Variants in CCDC102B observed in about 807,000 individuals in gnomAD.
The protein encoded by CCDC102B is coiled-coil domain containing 102B.
Under a neutral mutation model 57.4 loss-of-function variants are expected in CCDC102B, and 75 were observed. The observed-to-expected ratio is 1.31, with a 90% CI of 1.08 to 1.58. CCDC102B has a LOEUF of 1.58. CCDC102B is among the 40% of genes most tolerant of loss of function. The pLI is 0.00. For missense variants in CCDC102B, 636 were observed against 582.6 expected (o/e 1.09, Z -0.94); for synonymous variants, 206 against 201.9 (o/e 1.02, Z -0.17).
chr18:68,874,900 A>G, intron 5 of CCDC102B, 115 bp downstream of exon 5: 1 of 653,740 alleles, frequency 1.5e-6, no homozygotes, highest in Non-Finnish European at 2.7e-6. Flanking sequence ...ATGAAAGTGA[A>G]TGCTGCTGCT....
chr18:68,902,767 T>C (rs1421575627), intron 6 of CCDC102B, among the ~76,000 whole-genome samples: 1 of 152,206 alleles, frequency 6.6e-6, no homozygotes, highest in Non-Finnish European at 1.5e-5. Context: ...AGGATTTTGC[T>C]TCCTTAGAAA....
At chr18:68,909,351 T>A (rs140739378) in intron 6 of CCDC102B, among the ~76,000 whole-genome samples, 83 of 152,334 alleles carry the variant, frequency 5.4e-4, no homozygotes, top group African/African-American at 1.8e-3. Flanking sequence ...TTTGCCAATA[T>A]ATCCCTCCCC....
chr18:68,740,265 TAGAA>T (rs1403779791), intron 2 of CCDC102B, among the ~76,000 whole-genome samples: 7 of 152,222 alleles, frequency 4.6e-5, no homozygotes, highest in African/African-American at 1.4e-4. Flanking sequence ...TGTGATTCTC[TAGAA>T]TTTCTCCTGT....
At chr18:68,998,056 G>A (rs1352680624) in intron 6 of CCDC102B, among the ~76,000 whole-genome samples, 3 of 151,888 alleles carry the variant, frequency 2.0e-5, no homozygotes, top group Admixed American at 6.6e-5. Flanking sequence ...TTTCTGCTTT[G>A]TATTCCCACG....
At chr18:68,863,765 T>C (rs529844690) in intron 4 of CCDC102B, among the ~76,000 whole-genome samples, 44 of 152,106 alleles carry the variant, frequency 2.9e-4, no homozygotes, top group African/African-American at 1.0e-3. Flanking sequence ...TTTAAACTTA[T>C]TGGATGTGTT....
intron 5 of CCDC102B, among the ~76,000 whole-genome samples, chr18:68,878,214 A>G (rs188455205): frequency 1.2e-4 from 19 of 152,156 alleles, no homozygotes; most frequent in African/African-American, 4.6e-4. Context: ...CTCTCACCTC[A>G]GCCTCCCAAG....
chr18:68,843,616 A>C (rs1247243946), intron 3 of CCDC102B, among the ~76,000 whole-genome samples: 1 of 152,026 alleles, frequency 6.6e-6, no homozygotes, highest in East Asian at 1.9e-4. Flanking sequence ...TAGCAATATT[A>C]TTTTTTAAAC....
intron 2 of CCDC102B, among the ~76,000 whole-genome samples, chr18:68,755,248 G>A (rs566298323): frequency 6.6e-6 from 1 of 152,244 alleles, no homozygotes; most frequent in South Asian, 2.1e-4. Context: ...ACCTCTCCAA[G>A]TCTTTATTGT....
intron 6 of CCDC102B, among the ~76,000 whole-genome samples, chr18:68,988,104 T>C (rs586603): frequency 0.011 from 1,672 of 152,270 alleles, 42 homozygotes; most frequent in African/African-American, 0.038. Flanking sequence ...CATATGTTCA[T>C]TGCAGCACTA....
At chr18:68,813,631 C>A (rs921876592) in intron 1 of CCDC102B, among the ~76,000 whole-genome samples, 1 of 151,656 alleles carries the variant, frequency 6.6e-6, no homozygotes, top group Non-Finnish European at 1.5e-5. Flanking sequence ...TAAAGGAGGC[C>A]GGGAGAGTGG....
intron 7 of CCDC102B, among the ~76,000 whole-genome samples, chr18:69,052,923 G>C (rs898682091): frequency 3.3e-5 from 5 of 151,720 alleles, no homozygotes; most frequent in African/African-American, 9.7e-5. Context: ...GTAATCTAGA[G>C]ATAATTTAAA....
intron 6 of CCDC102B, among the ~76,000 whole-genome samples, chr18:68,992,554 C>G (rs532776127): frequency 6.6e-6 from 1 of 152,234 alleles, no homozygotes; most frequent in Admixed American, 6.5e-5. Flanking sequence ...GAGATGGAGC[C>G]TATTAGATAT....
chr18:68,771,867 A>AACACAC (rs1465329342), intron 2 of CCDC102B, among the ~76,000 whole-genome samples: 1 of 50,212 alleles, frequency 2.0e-5, no homozygotes, highest in African/African-American at 6.7e-5. Context: ...GTTACTCTGA[A>AACACAC]ATACACACAC....
intron 5 of CCDC102B, among the ~76,000 whole-genome samples, chr18:68,883,608 T>A (rs1283750906): frequency 1.3e-5 from 2 of 152,180 alleles, no homozygotes; most frequent in East Asian, 3.9e-4. Context: ...GTTTTTTATC[T>A]GGAAAAATTG....
chr18:69,017,263 T>G (rs1431405), intron 7 of CCDC102B, among the ~76,000 whole-genome samples: 1 of 152,170 alleles, frequency 6.6e-6, no homozygotes, highest in Non-Finnish European at 1.5e-5. Context: ...TTATAGGTGC[T>G]TGCCACCATG....
At chr18:68,829,686 A>G (rs2037063540) in intron 1 of CCDC102B, among the ~76,000 whole-genome samples, 1 of 151,990 alleles carries the variant, frequency 6.6e-6, no homozygotes, top group African/African-American at 2.4e-5. Flanking sequence ...TGTTTACCAC[A>G]AAGTGTAAAT....
intron 3 of CCDC102B, among the ~76,000 whole-genome samples, chr18:68,843,385 G>C (rs915472104): frequency 5.3e-5 from 8 of 152,040 alleles, no homozygotes; most frequent in African/African-American, 1.9e-4. Flanking sequence ...GTTCAACAAT[G>C]ATTAATATTT....
intron 1 of CCDC102B, among the ~76,000 whole-genome samples, chr18:68,823,819 A>G (rs999287958): frequency 6.6e-6 from 1 of 152,130 alleles, no homozygotes; most frequent in Non-Finnish European, 1.5e-5. Context: ...GATAATGAGC[A>G]TCTTTTCACA....
chr18:68,813,101 C>T (rs545056463), intron 1 of CCDC102B, among the ~76,000 whole-genome samples: 34 of 152,182 alleles, frequency 2.2e-4, no homozygotes, highest in African/African-American at 7.9e-4. Context: ...TGAGAATGGA[C>T]TTCCCCCTTG....
Sources: allele counts gnomAD v4.1 joint callset (sites outside exome capture counted in the v4.1 genomes callset), GRCh38; gene constraint gnomAD v4.1.1; transcripts MANE v1.5; gene names NCBI Gene and HGNC (gene_info 2026-07-23, HGNC 2026-07-21).